Variants in DSCAML1 observed in about 807,000 individuals in gnomAD.
DSCAML1 encodes the protein DS cell adhesion molecule like 1.
DSCAML1 carries 38 observed loss-of-function variants against 200.5 expected under a neutral mutation model. That is an observed-to-expected ratio of 0.19 (90% CI 0.15 to 0.25). DSCAML1 has a LOEUF of 0.25. DSCAML1 is among the 10% of genes least tolerant of loss of function. The pLI, the probability that DSCAML1 is intolerant of heterozygous loss-of-function variation, is 1.00. For missense variants in DSCAML1, 2,223 were observed against 2,858.8 expected, an observed-to-expected ratio of 0.78 and a Z score of 5.07; for synonymous variants, 1,215 against 1,165.0, an observed-to-expected ratio of 1.04 and a Z score of -0.87.
rs144410479 is a variant in DSCAML1 at position 117,768,502 on chromosome 11, C to T, written c.511+8289G>A. 9.4e-3 allele frequency among the ~76,000 whole-genome samples: 1,435 copies of T among 152,212 alleles called. 25 individuals carry two copies. The highest frequency in any genetic ancestry group is 0.032 in the African/African-American group (1,342 of 41,526). ...AGCCCAGCACCCAGAAAGGGGAGCA[C>T]AGGTGGTGAGTAATGATGCCAGATG... On this transcript the variant is annotated intron_variant, in intron 3 of 32. Coordinates refer to ENST00000651296, the MANE Select transcript of DSCAML1 (RefSeq NM_020693.4).
chr11:117,475,438 T>C (rs904958734), intron 14 of DSCAML1, among the ~76,000 whole-genome samples: 1 of 152,152 alleles, frequency 6.6e-6, no homozygotes, highest in Non-Finnish European at 1.5e-5. Flanking sequence ...GCCTTATCTT[T>C]CTCTATTCTT....
At chr11:117,496,791 G>A (rs1242924678) in intron 11 of DSCAML1, among the ~76,000 whole-genome samples, 1 of 152,198 alleles carries the variant, frequency 6.6e-6, no homozygotes, top group Non-Finnish European at 1.5e-5. Context: ...AGGATGCATG[G>A]GCAGGTTCAT....
At chr11:117,810,793 C>G (rs2055754450) in intron 1 of DSCAML1, among the ~76,000 whole-genome samples, 1 of 152,172 alleles carries the variant, frequency 6.6e-6, no homozygotes. Flanking sequence ...ATCTGAGGTG[C>G]CTGACGTCCA....
chr11:117,805,259 C>T (rs1260961422), intron 1 of DSCAML1, among the ~76,000 whole-genome samples: 2 of 152,164 alleles, frequency 1.3e-5, no homozygotes. Context: ...CTCAGAATGT[C>T]ATCTAAGGTC....
In DSCAML1 at chr11:117,500,324, G is replaced by C. The variant is rs150746862; in HGVS notation, c.2359+3521C>G. On this transcript the variant is annotated intron_variant, in intron 11 of 32. Transcript: ENST00000651296. ...ATTTATCATTTTGTGTATCATAGTT[G>C]TTTTGGGTGTCTGTCTATTTCCTCT... Among the ~76,000 whole-genome samples the C allele has an allele frequency of 2.0e-4, 31 of 152,262 alleles. No homozygotes were observed. The Middle Eastern group carries it at 0.014, about 67-fold the overall frequency.
chr11:117,549,644 T>G (rs2050435998), intron 3 of DSCAML1, among the ~76,000 whole-genome samples: 1 of 152,192 alleles, frequency 6.6e-6, no homozygotes, highest in Non-Finnish European at 1.5e-5. Flanking sequence ...GCTCTCATGA[T>G]TATGACTTAC....
chr11:117,809,923 T>TCA (rs1040964441), intron 1 of DSCAML1, among the ~76,000 whole-genome samples: 27 of 148,310 alleles, frequency 1.8e-4, no homozygotes, highest in African/African-American at 6.0e-4. Context: ...ATTCACACAT[T>TCA]CACACACACG....
chr11:117,717,975 T>A (rs892122927), intron 3 of DSCAML1, among the ~76,000 whole-genome samples: 2 of 152,090 alleles, frequency 1.3e-5, no homozygotes, highest in Non-Finnish European at 2.9e-5. Context: ...GGCATTTACA[T>A]AGCAAACAAC....
In DSCAML1 at chr11:117,780,240, G is replaced by GAAAGAAAGAAAAAGAAAGAAAGAAAGAA. The variant is rs1555032695; in HGVS notation, c.364+252_364+253insTTCTTTCTTTCTTTCTTTTTCTTTCTTT. Among the ~76,000 whole-genome samples, 10 of 62,476 alleles carry GAAAGAAAGAAAAAGAAAGAAAGAAAGAA rather than the reference G, an allele frequency of 1.6e-4. No individual in the cohort carries two copies. The highest frequency in any genetic ancestry group is 6.3e-4 in the Admixed American group (4 of 6,336). 41.0% of individuals were successfully genotyped at this position (62,476 alleles called of 152,430 possible). On this transcript the variant is annotated intron_variant, in intron 2 of 32. Coordinates refer to ENST00000651296, the MANE Select transcript of DSCAML1 (RefSeq NM_020693.4). This position sits in a 1 kb window ranked among gnomAD's most constrained non-coding sequence, Gnocchi z 4.8. ...GAGAGAAAGAAAGAAAGGAAAGAAA[G>GAAAGAAAGAAAAAGAAAGAAAGAAAGAA]AAAGAAAGAAAGAAAGAAAGAAAGA... is the stretch of plus-strand genomic sequence containing the variant.
At chr11:117,805,898 G>A (rs977542359) in intron 1 of DSCAML1, among the ~76,000 whole-genome samples, 1 of 152,194 alleles carries the variant, frequency 6.6e-6, no homozygotes, top group Non-Finnish European at 1.5e-5. Context: ...GAAGGGACCT[G>A]GGGAGCATCT....
intron 3 of DSCAML1, among the ~76,000 whole-genome samples, chr11:117,578,497 C>G (rs2137455680): frequency 6.6e-6 from 1 of 151,874 alleles, no homozygotes; most frequent in Non-Finnish European, 1.5e-5. Context: ...AGAGCAAGAC[C>G]CCATCTCTAA....
At chr11:117,808,608 G>T (rs1236373534) in intron 1 of DSCAML1, among the ~76,000 whole-genome samples, 1 of 152,140 alleles carries the variant, frequency 6.6e-6, no homozygotes, top group African/African-American at 2.4e-5. Context: ...ATAGGTCTTG[G>T]GGCTGGCATT....
intron 3 of DSCAML1, among the ~76,000 whole-genome samples, chr11:117,755,404 A>G (rs1340369958): frequency 6.6e-6 from 1 of 152,304 alleles, no homozygotes; most frequent in Non-Finnish European, 1.5e-5. Context: ...CGCTTGTGAA[A>G]TAATTTTCTA....
At chr11:117,619,533 T>C (rs1429681756) in intron 3 of DSCAML1, among the ~76,000 whole-genome samples, 1 of 152,206 alleles carries the variant, frequency 6.6e-6, no homozygotes, top group Non-Finnish European at 1.5e-5. Flanking sequence ...AAATGGAAAA[T>C]ATGTTTAATC....
rs572861539 is a variant in DSCAML1, at chr11:117,594,083, A to G, written c.512-61561T>C. 1.8e-4 allele frequency among the ~76,000 whole-genome samples: 27 copies of G among 152,336 alleles called. No individual in the cohort carries two copies. In the South Asian group the frequency reaches 4.8e-3, roughly 27 times the overall value. ...CTCACCTGGCATGGTTATCTAGGGAAGTAAACACCAGCCTTTCTCAGTCTT... is the reference window on the plus strand; with the variant it reads ...CTCACCTGGCATGGTTATCTAGGGAGGTAAACACCAGCCTTTCTCAGTCTT... On this transcript the variant is annotated intron_variant, in intron 3 of 32. Coordinates refer to ENST00000651296, the MANE Select transcript of DSCAML1 (RefSeq NM_020693.4).
intron 3 of DSCAML1, among the ~76,000 whole-genome samples, chr11:117,657,377 A>C (rs2052756890): frequency 6.6e-6 from 1 of 152,192 alleles, no homozygotes; most frequent in African/African-American, 2.4e-5. Context: ...AACAGAAACA[A>C]ATCCACAGCC....
intron 3 of DSCAML1, among the ~76,000 whole-genome samples, chr11:117,542,373 C>T (rs899590625): frequency 4.6e-5 from 7 of 151,428 alleles, no homozygotes; most frequent in Middle Eastern, 3.4e-3. Flanking sequence ...ACAGTGCAGG[C>T]GATGTAGTGC....
Position 117,463,141 on chromosome 11 carries a change from C to T in DSCAML1, c.3266-1545G>A, listed in dbSNP as rs1365105074. Among the ~76,000 whole-genome samples, 1 of 152,212 alleles carries T rather than the reference C, an allele frequency of 6.6e-6. No individual in the cohort carries two copies. Among genetic ancestry groups the T allele is most frequent in the Non-Finnish European group, 1.5e-5 (1 of 68,040 alleles). ...TCACTTGTTCGTGCATCCAGCCTTGCTCCCAAGCAAAAGGGAGGCACAAGG... is the reference window on the plus strand; with the variant it reads ...TCACTTGTTCGTGCATCCAGCCTTGTTCCCAAGCAAAAGGGAGGCACAAGG... On this transcript the variant is annotated intron_variant, in intron 17 of 32. Coordinates refer to ENST00000651296, the MANE Select transcript of DSCAML1 (RefSeq NM_020693.4). This position sits in a 1 kb window ranked among gnomAD's most constrained non-coding sequence, Gnocchi z 4.0.
At chr11:117,450,458 G>A (rs1052915104) in intron 20 of DSCAML1, 91 bp downstream of exon 20, 6 of 1,511,450 alleles carry the variant, frequency 4.0e-6, no homozygotes, top group Non-Finnish European at 5.4e-6. Context: ...GATACAGGCA[G>A]CCTCAGGGTT....
Sources: gnomAD v4.1 joint callset for allele counts (sites outside exome capture counted in the v4.1 genomes callset) on GRCh38, gnomAD v4.1.1 for gene constraint, Gnocchi (gnomAD v3.1) non-coding constraint, MANE v1.5 for transcripts, NCBI Gene and HGNC (gene_info 2026-07-23, HGNC 2026-07-21) for gene names.